CNNM1: variants seen among roughly 807,000 people sequenced by gnomAD.
CNNM1 encodes cyclin and CBS domain divalent metal cation transport mediator 1.
In CNNM1, 44 loss-of-function variants were observed where a neutral mutation model predicts 78.8. That is an observed-to-expected ratio of 0.56 (90% CI 0.44 to 0.72). The LOEUF is 0.72. CNNM1 is among the 30% of genes least tolerant of loss of function. The probability of loss-of-function intolerance (pLI) is 0.00; values close to 1 mark genes in which losing one functional copy is unlikely to be tolerated. For synonymous variants in CNNM1, 584 were observed against 581.5 expected (o/e 1.00, Z -0.06); for missense variants, 1,101 against 1,292.2 (o/e 0.85, Z 2.27).
At chr10:99,363,266 A>G (rs915244078) in intron 4 of CNNM1, among the ~76,000 whole-genome samples, 1 of 152,184 alleles carries the variant, frequency 6.6e-6, no homozygotes, top group Non-Finnish European at 1.5e-5. Context: ...CCTCACATAT[A>G]TCTTTCCAAA....
chr10:99,388,012 G>C lies in CNNM1; in HGVS notation c.2524+9G>C. ...CAGGAACAGCCTGCCGTGTAAGTCA[G>C]CTGGGCAGACGGGCAGGCTGGGCTG... On this transcript the variant is annotated intron_variant, in intron 8 of 10. Coordinates refer to ENST00000356713, the MANE Select transcript of CNNM1 (RefSeq NM_020348.3). 1 of 1,582,866 alleles carries C rather than the reference G, an allele frequency of 6.3e-7. No homozygotes were observed. The highest frequency in any genetic ancestry group is 8.6e-7 in the Non-Finnish European group (1 of 1,163,650).
At chr10:99,378,235 T>G (rs767332001) in intron 7 of CNNM1, among the ~76,000 whole-genome samples, 1 of 152,214 alleles carries the variant, frequency 6.6e-6, no homozygotes, top group Non-Finnish European at 1.5e-5. Flanking sequence ...GTGCTGGGAT[T>G]ACAGGCGTGA....
At chr10:99,338,002 A>G (rs2134016307) in intron 1 of CNNM1, among the ~76,000 whole-genome samples, 1 of 152,308 alleles carries the variant, frequency 6.6e-6, no homozygotes, top group Middle Eastern at 3.4e-3. Flanking sequence ...TTCTTTTCAC[A>G]TGTAAAGCAC....
At chr10:99,378,241 C>T (rs149697350) in intron 7 of CNNM1, among the ~76,000 whole-genome samples, 207 of 152,266 alleles carry the variant, frequency 1.4e-3, no homozygotes, top group Middle Eastern at 0.01. Flanking sequence ...GGATTACAGG[C>T]GTGAGCCACC....
Position 99,388,170 on chromosome 10 carries a change from T to G in CNNM1, c.2543T>G (p.Leu848Arg), listed in dbSNP as rs1391330794. The G allele has an allele frequency of 6.2e-7, 1 of 1,613,754 alleles. No individual in the cohort carries two copies. The highest frequency in any genetic ancestry group is 1.1e-5 in the South Asian group (1 of 91,068). The change falls in exon 9 of 11, where the codon CTG becomes CGG. Residue 848 changes from leucine (L) to arginine (R), a missense_variant. Around this residue, in one of 3 missense-constraint regions of CNNM1, gnomAD observed 348 missense variants for 384.5 expected, o/e 0.90. Transcript: ENST00000356713. Reference sequence around the variant, plus strand: ...TCCCCAGGCAGCCGCTCAGACGGGCTGAGAAGCCCCAGCGAGGTAGTGTAC... The same window carrying G: ...TCCCCAGGCAGCCGCTCAGACGGGCGGAGAAGCCCCAGCGAGGTAGTGTAC... ...NSLPCSRSDG[L>R]RSPSEVVYLR...
At chr10:99,385,824 A>G (rs1384084711) in intron 7 of CNNM1, among the ~76,000 whole-genome samples, 5 of 152,230 alleles carry the variant, frequency 3.3e-5, no homozygotes, top group Non-Finnish European at 5.9e-5. Flanking sequence ...GTTTCCTGCC[A>G]TATTTCTTAG....
intron 1 of CNNM1, among the ~76,000 whole-genome samples, chr10:99,342,952 C>CT (rs1311521951): frequency 9.9e-5 from 15 of 151,450 alleles, no homozygotes; most frequent in Non-Finnish European, 1.5e-5. Flanking sequence ...CTAGTCCCAT[C>CT]TTTTTTTTTC....
In CNNM1 at chr10:99,388,176, G is replaced by A. The variant is rs374814462; in HGVS notation, c.2549G>A (p.Ser850Asn). The stretch of plus-strand genomic sequence containing the variant: ...GGCAGCCGCTCAGACGGGCTGAGAA[G>A]CCCCAGCGAGGTAGTGTACCTGAGG... ...LPCSRSDGLR[S>N]PSEVVYLRME... Residue 850 changes from serine (S) to asparagine (N), a missense_variant, in exon 9 of 11, where the codon AGC (serine) becomes AAC (asparagine). Ser to Asn is a conservative substitution (Grantham distance 46). Around this residue, in one of 3 missense-constraint regions of CNNM1, gnomAD observed 348 missense variants for 384.5 expected, o/e 0.90. Coordinates refer to ENST00000356713, the MANE Select transcript of CNNM1 (RefSeq NM_020348.3). 3 of 1,613,670 alleles carry A rather than the reference G, an allele frequency of 1.9e-6. No individual in the cohort carries two copies. Among genetic ancestry groups the A allele is most frequent in the East Asian group, 4.5e-5 (2 of 44,844 alleles).
chr10:99,371,347 G>A (rs954279333), intron 6 of CNNM1, among the ~76,000 whole-genome samples: 5 of 152,140 alleles, frequency 3.3e-5, no homozygotes, highest in Admixed American at 2.6e-4. Flanking sequence ...CTGATCAGGG[G>A]TTTCCCCTGA....
intron 1 of CNNM1, among the ~76,000 whole-genome samples, chr10:99,342,535 A>G (rs2030499723): frequency 6.6e-6 from 1 of 152,182 alleles, no homozygotes; most frequent in African/African-American, 2.4e-5. Flanking sequence ...TATAAAGTAC[A>G]GCCTTTTTTT....
In CNNM1 at chr10:99,391,537, C is replaced by G. The variant is rs2134088034; in HGVS notation, c.*21C>G. 1.2e-6 allele frequency: 2 copies of G among 1,604,538 alleles called. No individual in the cohort carries two copies. The highest frequency in any genetic ancestry group is 8.5e-7 in the Non-Finnish European group (1 of 1,172,260). ...CATGACAGGGCAAAGCCAGCATTCACTGGGTGTGTGAAATTCCAGAGCTTT... is the reference window on the plus strand; with the variant it reads ...CATGACAGGGCAAAGCCAGCATTCAGTGGGTGTGTGAAATTCCAGAGCTTT... On this transcript the variant is annotated 3_prime_UTR_variant, in exon 11 of 11. Transcript: ENST00000356713.
chr10:99,351,781 T>C (rs1483297442), intron 1 of CNNM1, among the ~76,000 whole-genome samples: 1 of 152,182 alleles, frequency 6.6e-6, no homozygotes, highest in African/African-American at 2.4e-5. Flanking sequence ...AAAATGATCA[T>C]GTGTGCTGGA....
Position 99,357,579 on chromosome 10 carries a change from G to C in CNNM1, c.1641G>C (p.Val547=). The C allele has an allele frequency of 6.2e-7, 1 of 1,613,772 alleles. No individual in the cohort carries two copies. The highest frequency in any genetic ancestry group is 8.5e-7 in the Non-Finnish European group (1 of 1,179,748). The change falls in exon 2 of 11, where the codon GTG becomes GTC. Residue 547 remains valine, a synonymous_variant. Transcript: ENST00000356713. ...NEGEGDPFYE[V]MGIVTLEDII... The stretch of plus-strand genomic sequence containing the variant: ...GAGAAGGGGACCCTTTCTATGAGGT[G>C]ATGGGCATTGTCACGCTGGAGGATA...
At chr10:99,356,605 A>AAAGAAAGAAAAG (rs1491432735) in intron 1 of CNNM1, among the ~76,000 whole-genome samples, 5 of 56,392 alleles carry the variant, frequency 8.9e-5, no homozygotes, top group East Asian at 7.6e-4. Context: ...AGAAAGAAAG[A>AAAGAAAGAAAAG]AAAGAAAGAA....
intron 7 of CNNM1, among the ~76,000 whole-genome samples, chr10:99,380,010 GTAAACTCTCTCT>G (rs2032089510): frequency 7.0e-6 from 1 of 142,738 alleles, no homozygotes; most frequent in East Asian, 2.1e-4. Flanking sequence ...AAGAAAGGAA[GTAAACTCTCTCT>G]TTTTTTTTTT....
intron 6 of CNNM1, chr10:99,368,541 T>G: frequency 3.3e-6 from 3 of 920,920 alleles, no homozygotes; most frequent in Non-Finnish European, 4.6e-6. Flanking sequence ...CTCACCCACT[T>G]TGTTCTTTGT....
At chr10:99,388,439 A>G in intron 9 of CNNM1, 138 bp downstream of exon 9, 3 of 950,240 alleles carry the variant, frequency 3.2e-6, no homozygotes, top group South Asian at 1.7e-5. Context: ...TTACACAGCC[A>G]GGGAAAGGAA....
At chr10:99,355,444 G>T (rs2031107462) in intron 1 of CNNM1, among the ~76,000 whole-genome samples, 1 of 152,108 alleles carries the variant, frequency 6.6e-6, no homozygotes, top group African/African-American at 2.4e-5. Context: ...GTTTATAAAG[G>T]GTACTAATAA....
chr10:99,381,346 G>A (rs1360260760), intron 7 of CNNM1, among the ~76,000 whole-genome samples: 3 of 150,936 alleles, frequency 2.0e-5, no homozygotes, highest in Non-Finnish European at 2.9e-5. Context: ...CCCAGGACAC[G>A]GAGGTTGTAG....
Sources: gnomAD v4.1 joint callset for allele counts (sites outside exome capture counted in the v4.1 genomes callset) on GRCh38, gnomAD v4.1.1 for gene constraint, gnomAD v4.1.1 regional missense constraint, MANE v1.5 for transcripts, NCBI Gene and HGNC (gene_info 2026-07-23, HGNC 2026-07-21) for gene names.